Variants in COMMD5 observed in about 807,000 individuals in gnomAD.
The protein encoded by COMMD5 is COMM domain-containing protein 5.
COMMD5 carries 10 observed loss-of-function variants against 6.9 expected under a neutral mutation model. That is an observed-to-expected ratio of 1.44 (90% CI 0.89 to 2.45). COMMD5 has a LOEUF of 2.45. Ranked by LOEUF, COMMD5 falls within the 30% of genes most tolerant of loss-of-function variation. COMMD5 has a pLI of 0.00. For synonymous variants in COMMD5, 127 were observed against 125.3 expected (o/e 1.01, Z -0.09); for missense variants, 234 against 287.8 (o/e 0.81, Z 1.35).
intron 1 of COMMD5, chr8:144,842,037 A>T: frequency 6.2e-7 from 1 of 1,613,852 alleles, no homozygotes; most frequent in Non-Finnish European, 8.5e-7. Flanking sequence ...GATGTGAGGA[A>T]TGTGGAAAAG....
chr8:144,851,307 A>G lies in COMMD5; in HGVS notation c.32T>C (p.Leu11Pro), dbSNP rs1381777666. The G allele has an allele frequency of 2.5e-6, 4 of 1,612,726 alleles. No individual in the cohort carries two copies. The South Asian group carries it at 3.3e-5, about 13-fold the overall frequency. Reference protein sequence around the residue: MSAVGAATPYLHHPGDSHSGR... With the variant: MSAVGAATPYPHHPGDSHSGR... ...ACTGTGACTATCACCAGGATGATGC[A>G]GGTATGGAGTTGCAGCCCCCACAGC... The change falls in exon 2 of 2, where the codon CTG (leucine) becomes CCG (proline). Residue 11 changes from leucine (L) to proline (P), a missense_variant. Transcript: ENST00000305103.
chr8:144,839,793 T>C (rs780908828), downstream of COMMD5, among the ~76,000 whole-genome samples: 5 of 152,122 alleles, frequency 3.3e-5, no homozygotes, highest in African/African-American at 4.8e-5. Flanking sequence ...CTGAAAGATA[T>C]TGGCCCAGAG....
chr8:144,842,649 C>CCAT (rs1830096797), intron 1 of COMMD5: 4 of 1,613,900 alleles, frequency 2.5e-6, no homozygotes, highest in Non-Finnish European at 3.4e-6. Context: ...GCCTTATTTA[C>CCAT]CATCAGAGAA....
Position 144,851,117 on chromosome 8 carries a change from G to A in COMMD5, c.222C>T (p.Ser74=), listed in dbSNP as rs765233595. The A allele has an allele frequency of 3.7e-6, 6 of 1,612,342 alleles. No homozygotes were observed. The highest frequency in any genetic ancestry group is 2.2e-5 in the South Asian group (2 of 91,044). The part of the protein sequence containing the change: ...CREAVQRLGV[S]ANLPEEQLGA... ...CCAGCTGCTCCTCCGGCAGGTTGGC[G>A]CTGACCCCAAGACGCTGCACAGCCT... Residue 74 remains serine (S), a synonymous_variant, in exon 2 of 2, where the codon AGC becomes AGT. Coordinates refer to ENST00000305103, the MANE Select transcript of COMMD5 (RefSeq NM_014066.4).
chr8:144,851,517 C>T, intron 1 of COMMD5, 122 bp from the exon 2 acceptor site: 1 of 715,308 alleles, frequency 1.4e-6, no homozygotes, highest in Non-Finnish European at 2.3e-6. Flanking sequence ...ACAGTCAGTG[C>T]TGCGGAGATG....
At chr8:144,848,152 C>T (rs1368686816), downstream of COMMD5, among the ~76,000 whole-genome samples, 1 of 152,070 alleles carries the variant, frequency 6.6e-6, no homozygotes, top group East Asian at 1.9e-4. Context: ...TCAAGACCAG[C>T]CTGGGCAACG....
Position 144,851,337 on chromosome 8 carries a change from ATTGCTGCTGCT to A in COMMD5, c.-10_1del. On this transcript the variant is annotated start_lost and start_retained_variant and 5_prime_UTR_variant, in exon 2 of 2. Coordinates refer to ENST00000305103, the MANE Select transcript of COMMD5 (RefSeq NM_014066.4). ...TGGAGTTGCAGCCCCCACAGCAGAC[ATTGCTGCTGCT>A]TCCTCTTTGATCAGCCAGCCCAGGA... 1 of 1,600,628 alleles carries A rather than the reference ATTGCTGCTGCT, an allele frequency of 6.2e-7. No homozygotes were observed. Among genetic ancestry groups the A allele is most frequent in the Non-Finnish European group, 8.5e-7 (1 of 1,170,510 alleles).
At chr8:144,839,647 G>A (rs1397410207), downstream of COMMD5, among the ~76,000 whole-genome samples, 3 of 152,236 alleles carry the variant, frequency 2.0e-5, no homozygotes, top group South Asian at 2.1e-4. Flanking sequence ...GCACTTGCTC[G>A]CAGACCTGAG....
At chr8:144,841,240 C>T in exon 2 of COMMD5, 1 of 1,080,934 alleles carries the variant, frequency 9.3e-7, no homozygotes, top group Non-Finnish European at 1.3e-6. Flanking sequence ...CCTGGGGCCT[C>T]ACAGTGCTCA....
At chr8:144,842,511 A>G (rs1830072703) in intron 1 of COMMD5, 1 of 1,613,940 alleles carries the variant, frequency 6.2e-7, no homozygotes, top group East Asian at 2.2e-5. Context: ...GAGAAAAACC[A>G]TTTAAATGTG....
chr8:144,846,229 C>T (rs1224198884), downstream of COMMD5: 6 of 1,501,572 alleles, frequency 4.0e-6, no homozygotes, highest in East Asian at 1.5e-4. Flanking sequence ...TCACTAACAG[C>T]AACCAGCCAA....
At chr8:144,838,469 A>G (rs7839569), downstream of COMMD5, 18,107 of 313,434 alleles carry the variant, frequency 0.058, 981 homozygotes, top group African/African-American at 0.17. Flanking sequence ...GCTGCCCAGC[A>G]TGACAAGGGA....
intron 1 of COMMD5, chr8:144,841,944 A>G (rs1294889060): frequency 1.2e-6 from 2 of 1,614,036 alleles, no homozygotes; most frequent in African/African-American, 1.3e-5. Context: ...AACCCTTTAA[A>G]TGCACTGAGT....
rs753411479 is a variant in COMMD5 at position 144,842,424 on chromosome 8, G to A, written c.*117-681C>T. On this transcript the variant is annotated intron_variant and NMD_transcript_variant, in intron 1 of 1. Transcript: ENST00000530332. ...ATCAGCTGATTCACACTGGAGAGAA[G>A]CCTTATAAATGCAACAAGTGTACAA... 5 of 1,614,034 alleles carry A rather than the reference G, an allele frequency of 3.1e-6. No homozygotes were observed. In the African/African-American group the frequency reaches 6.7e-5, roughly 22 times the overall value.
Position 144,851,018 on chromosome 8 carries a change from G to GTCAGGCT in COMMD5, c.314_320dup (p.Asp107GlufsTer3), listed in dbSNP as rs1182197251. ...GCTCCTGGAGCTGGTCCCTGAAGGTGTCAGGCTTCAGGCTGGTGGGGGGCA... is the reference window on the plus strand; with the variant it reads ...GCTCCTGGAGCTGGTCCCTGAAGGTGTCAGGCTTCAGGCTTCAGGCTGGTGGGGGGCA... On this transcript the variant is annotated stop_gained and frameshift_variant, in exon 2 of 2. Transcript: ENST00000305103. LOFTEE classifies it high-confidence loss of function. The GTCAGGCT allele has an allele frequency of 2.8e-5, 45 of 1,612,592 alleles. No homozygotes were observed. Among genetic ancestry groups the GTCAGGCT allele is most frequent in the Non-Finnish European group, 3.7e-5 (44 of 1,179,812 alleles).
chr8:144,844,721 A>AC (rs930148066), intron 1 of COMMD5, among the ~76,000 whole-genome samples: 13 of 57,892 alleles, frequency 2.2e-4, no homozygotes, highest in African/African-American at 8.1e-4. Context: ...AAAAAAAAAA[A>AC]AAAAAAAAAA....
downstream of COMMD5, chr8:144,846,233 C>A: frequency 1.3e-6 from 2 of 1,494,628 alleles, no homozygotes; most frequent in Admixed American, 4.1e-5. Flanking sequence ...TAACAGCAAC[C>A]AGCCAAAAAG....
rs754434094 is a variant in COMMD5 at position 144,851,286 on chromosome 8, T to A, written c.53A>T (p.His18Leu). ...TPYLHHPGDS[H>L]SGRVSFLGAQ... ...CCCCAAGAAACTCACTCGGCCACTG[T>A]GACTATCACCAGGATGATGCAGGTA... The change falls in exon 2 of 2, where the codon CAC becomes CTC. Residue 18 changes from histidine to leucine, a missense_variant. His to Leu is a moderately conservative substitution (Grantham distance 99). Transcript: ENST00000305103. 2 of 1,613,836 alleles carry A rather than the reference T, an allele frequency of 1.2e-6. No individual in the cohort carries two copies. Among genetic ancestry groups the A allele is most frequent in the South Asian group, 1.1e-5 (1 of 91,086 alleles).
Position 144,841,667 on chromosome 8 carries a change from AGG to A in COMMD5, c.*191_*192del, listed in dbSNP as rs757141216. 6 of 1,614,070 alleles carry A rather than the reference AGG, an allele frequency of 3.7e-6. No individual in the cohort carries two copies. In the Admixed American group the frequency reaches 5.0e-5, roughly 13 times the overall value. On this transcript the variant is annotated 3_prime_UTR_variant and NMD_transcript_variant, in exon 2 of 2. Transcript: ENST00000530332. ...CTGGATTGTCAGCCTCTTGAAAGTC[AGG>A]GAGAGAGTGCGGAAGGGATGTCCCA...
Sources: allele counts gnomAD v4.1 joint callset (sites outside exome capture counted in the v4.1 genomes callset), GRCh38; gene constraint gnomAD v4.1.1; transcripts MANE v1.5; gene names NCBI Gene and HGNC (gene_info 2026-07-23, HGNC 2026-07-21).